The following LIN9 variants were observed in gnomAD, a reference collection of about 807,000 sequenced individuals.
The protein encoded by LIN9 is lin-9 DREAM MuvB core complex component.
Under a neutral mutation model 78.0 loss-of-function variants are expected in LIN9, and 18 were observed. The ratio of observed to expected loss-of-function variants is 0.23; its 90% CI spans 0.16 to 0.34. LIN9 has a LOEUF of 0.34. Among genes scored for constraint, LIN9 ranks in the 10% least tolerant of loss-of-function variants. The pLI, the probability that LIN9 is intolerant of heterozygous loss-of-function variation, is 1.00. For missense variants in LIN9, 451 were observed against 644.1 expected (o/e 0.70, Z 3.25); for synonymous variants, 192 against 215.2 (o/e 0.89, Z 0.94).
upstream of LIN9, chr1:226,309,174 C>T: frequency 7.1e-7 from 1 of 1,410,372 alleles, no homozygotes; most frequent in Non-Finnish European, 9.3e-7. Context: ...CAAAGGCTGC[C>T]CGCCGCGGTG....
intron 10 of LIN9, among the ~76,000 whole-genome samples, chr1:226,256,195 C>A (rs542517994): frequency 6.6e-6 from 1 of 151,668 alleles, no homozygotes; most frequent in East Asian, 1.9e-4. Context: ...CCAGCCTGGA[C>A]AACATGGCAA....
chr1:226,258,721 T>C (rs1659364780), intron 10 of LIN9, among the ~76,000 whole-genome samples: 1 of 150,702 alleles, frequency 6.6e-6, no homozygotes, highest in Non-Finnish European at 1.5e-5. Context: ...AAACCCCGTC[T>C]CTACTAAAAA....
intron 1 of LIN9, among the ~76,000 whole-genome samples, chr1:226,305,922 A>C (rs1662886313): frequency 6.6e-6 from 1 of 152,136 alleles, no homozygotes; most frequent in Non-Finnish European, 1.5e-5. Context: ...AAAGAGAAGA[A>C]ATGGTAACAG....
At chr1:226,277,142 G>C (rs1288370016) in intron 7 of LIN9, among the ~76,000 whole-genome samples, 1 of 150,440 alleles carries the variant, frequency 6.6e-6, no homozygotes, top group Admixed American at 6.7e-5. Context: ...CCGGGAGGTC[G>C]AGGCCACAGT....
chr1:226,245,799 T>G (rs563105408), intron 11 of LIN9, among the ~76,000 whole-genome samples: 1 of 152,202 alleles, frequency 6.6e-6, no homozygotes, highest in Non-Finnish European at 1.5e-5. Flanking sequence ...GGTTTGGCTA[T>G]GTTGGCCAGG....
chr1:226,296,784 G>C (rs1363753066), intron 3 of LIN9, among the ~76,000 whole-genome samples: 1 of 152,056 alleles, frequency 6.6e-6, no homozygotes, highest in African/African-American at 2.4e-5. Flanking sequence ...ACTTTGGAAG[G>C]CCGAGGCAGG....
chr1:226,241,978 AT>A (rs1658145405), intron 11 of LIN9, among the ~76,000 whole-genome samples: 1 of 152,206 alleles, frequency 6.6e-6, no homozygotes, highest in Non-Finnish European at 1.5e-5. Flanking sequence ...TTCTAAAAAT[AT>A]TTTTTGAGCT....
chr1:226,258,406 C>T (rs964454681), intron 10 of LIN9, among the ~76,000 whole-genome samples: 1 of 147,802 alleles, frequency 6.8e-6, no homozygotes, highest in African/African-American at 2.5e-5. Flanking sequence ...GAGGCTGAGG[C>T]ATGAGAATCA....
intron 4 of LIN9, among the ~76,000 whole-genome samples, chr1:226,291,668 G>A (rs1661803144): frequency 2.0e-5 from 3 of 152,064 alleles, no homozygotes; most frequent in East Asian, 1.9e-4. Flanking sequence ...CAGGCAAGTT[G>A]CAAAGATAGT....
intron 11 of LIN9, 114 bp from the exon 12 acceptor site, chr1:226,239,210 T>G (rs1576275167): frequency 9.5e-7 from 1 of 1,049,372 alleles, no homozygotes; most frequent in African/African-American, 1.6e-5. Context: ...GTTATTAAAT[T>G]TGTCTGTTTT....
chr1:226,302,228 C>G (rs535988097), intron 1 of LIN9, among the ~76,000 whole-genome samples: 1 of 152,068 alleles, frequency 6.6e-6, no homozygotes, highest in African/African-American at 2.4e-5. Context: ...ATTATAGGAT[C>G]TATGGGTAGG....
chr1:226,275,423 C>T (rs1427592775), intron 7 of LIN9, among the ~76,000 whole-genome samples: 2 of 152,050 alleles, frequency 1.3e-5, no homozygotes, highest in South Asian at 2.1e-4. Context: ...AGGCTGGGTG[C>T]GGTGGCTCAC....
At chr1:226,273,680 C>A (rs1057047862) in intron 7 of LIN9, among the ~76,000 whole-genome samples, 1 of 152,144 alleles carries the variant, frequency 6.6e-6, no homozygotes, top group Admixed American at 6.6e-5. Flanking sequence ...GTCAGACATG[C>A]AAATTCCCAG....
chr1:226,292,945 A>G (rs1327339048), intron 4 of LIN9, among the ~76,000 whole-genome samples: 1 of 152,216 alleles, frequency 6.6e-6, no homozygotes, highest in Admixed American at 6.6e-5. Flanking sequence ...ACAGTAACCT[A>G]TCTCATAGGA....
chr1:226,288,954 T>C (rs570373099), intron 4 of LIN9, among the ~76,000 whole-genome samples: 1 of 152,196 alleles, frequency 6.6e-6, no homozygotes, highest in East Asian at 1.9e-4. Context: ...GGAAAAAATC[T>C]TATGCTGGGC....
intron 10 of LIN9, among the ~76,000 whole-genome samples, chr1:226,256,926 C>T (rs1398723591): frequency 2.0e-5 from 3 of 151,526 alleles, no homozygotes; most frequent in African/African-American, 7.3e-5. Context: ...GAAAATCTGT[C>T]GCCAGTAGGA....
chr1:226,256,259 CTT>C (rs1486931893), intron 10 of LIN9, among the ~76,000 whole-genome samples: 3 of 151,970 alleles, frequency 2.0e-5, no homozygotes, highest in African/African-American at 7.3e-5. Context: ...AAAGAAAACA[CTT>C]TACCGATAGA....
intron 7 of LIN9, among the ~76,000 whole-genome samples, chr1:226,270,152 C>A (rs1378458558): frequency 6.6e-6 from 1 of 152,048 alleles, no homozygotes. Context: ...TCACAAACTC[C>A]TGACATCAGG....
intron 6 of LIN9, among the ~76,000 whole-genome samples, chr1:226,280,506 A>C (rs1660979210): frequency 6.6e-6 from 1 of 152,164 alleles, no homozygotes; most frequent in African/African-American, 2.4e-5. Context: ...GGCCGGGCGC[A>C]GTGGCTCACA....
Sources: gnomAD v4.1 joint callset for allele counts (sites outside exome capture counted in the v4.1 genomes callset) on GRCh38, gnomAD v4.1.1 for gene constraint, MANE v1.5 for transcripts, NCBI Gene and HGNC (gene_info 2026-07-23, HGNC 2026-07-21) for gene names.